Variants in GPNMB observed in about 807,000 individuals in gnomAD.
GPNMB encodes the protein transmembrane glycoprotein NMB.
GPNMB carries 71 observed loss-of-function variants against 57.3 expected under a neutral mutation model. The ratio of observed to expected loss-of-function variants is 1.24; its 90% CI spans 1.02 to 1.51. The LOEUF is 1.51. GPNMB is among the 40% of genes most tolerant of loss of function. GPNMB has a pLI of 0.00. For synonymous variants in GPNMB, 253 were observed against 263.2 expected (o/e 0.96, Z 0.38); for missense variants, 677 against 691.9 (o/e 0.98, Z 0.24).
At chr7:23,259,354 T>C (rs1390045088) in intron 4 of GPNMB, among the ~76,000 whole-genome samples, 1 of 152,116 alleles carries the variant, frequency 6.6e-6, no homozygotes, top group Non-Finnish European at 1.5e-5. Context: ...TAGCTAATTT[T>C]TTGTATTTTA....
rs762010753 is a variant in GPNMB at position 23,260,051 on chromosome 7, C to A, written c.613C>A (p.Pro205Thr). The A allele has an allele frequency of 6.2e-7, 1 of 1,613,890 alleles. No homozygotes were observed. Among genetic ancestry groups the A allele is most frequent in the Admixed American group, 1.7e-5 (1 of 60,016 alleles). ...GAACACAGCCAATGTGACACTTGGG[C>A]CTCAACTCATGGAAGTGACTGTCTA... The part of the protein sequence containing the change: ...SVNTANVTLG[P>T]QLMEVTVYRR... The change falls in exon 5 of 11, where the codon CCT becomes ACT. Residue 205 changes from proline to threonine, a missense_variant. Pro to Thr is a conservative substitution (Grantham distance 38, BLOSUM62 -1). Transcript: ENST00000258733.
intron 1 of GPNMB, among the ~76,000 whole-genome samples, chr7:23,248,409 G>T (rs1025119450): frequency 1.3e-5 from 2 of 152,200 alleles, no homozygotes; most frequent in African/African-American, 4.8e-5. Context: ...CTGTCAGCTC[G>T]AGAGGAGTCC....
At chr7:23,253,123 C>T (rs1319777393) in intron 1 of GPNMB, among the ~76,000 whole-genome samples, 184 bp from the exon 2 acceptor site, 1 of 152,156 alleles carries the variant, frequency 6.6e-6, no homozygotes. Flanking sequence ...GACATAGGGT[C>T]TGAATGCTTG....
rs140819013 is a variant in GPNMB, at chr7:23,267,971, C to G, written c.1203C>G (p.Val401=). 7.5e-6 allele frequency: 12 copies of G among 1,609,968 alleles called. No individual in the cohort carries two copies. The highest frequency in any genetic ancestry group is 1.0e-5 in the Non-Finnish European group (12 of 1,176,764). Residue 401 remains valine, a synonymous_variant, in exon 8 of 11, where the codon GTC becomes GTG. Transcript: ENST00000258733. ...PWPESSLIDF[V]VTCQGSIPTE... is the part of the protein sequence containing the mutation. ...CTGAAAGCTCCCTAATAGACTTTGT[C>G]GTGACCTGCCAAGGGAGGTGAGTAT...
chr7:23,265,905 G>A (rs987425615), intron 6 of GPNMB, among the ~76,000 whole-genome samples: 1 of 148,356 alleles, frequency 6.7e-6, no homozygotes, highest in Non-Finnish European at 1.5e-5. Flanking sequence ...ATCTAGTATG[G>A]CCAGGTTTAT....
At chr7:23,253,668 C>T (rs1782710773) in intron 2 of GPNMB, among the ~76,000 whole-genome samples, 1 of 152,212 alleles carries the variant, frequency 6.6e-6, no homozygotes, top group Non-Finnish European at 1.5e-5. Flanking sequence ...TTAGAAATTT[C>T]CACATTGGTA....
chr7:23,270,155 T>C lies in GPNMB; in HGVS notation c.1409T>C (p.Leu470Pro). The change falls in exon 9 of 11, where the codon CTG becomes CCG. Residue 470 changes from leucine to proline, a missense_variant. Transcript: ENST00000258733. ...DDTSLALTST[L>P]ISVPDRDPAS... ...ACAAGCCTGGCTCTCACGAGCACCCTGATTTCTGTTCCTGACAGAGGTGAG... is the reference window on the plus strand; with the variant it reads ...ACAAGCCTGGCTCTCACGAGCACCCCGATTTCTGTTCCTGACAGAGGTGAG... 6.2e-7 allele frequency: 1 copy of C among 1,613,980 alleles called. No individual in the cohort carries two copies. The highest frequency in any genetic ancestry group is 2.2e-5 in the East Asian group (1 of 44,876).
intron 3 of GPNMB, 28 bp from the exon 4 acceptor site, chr7:23,256,861 ACAC>A (rs1291952045): frequency 1.3e-6 from 2 of 1,593,410 alleles, no homozygotes; most frequent in African/African-American, 2.7e-5. Context: ...AGCCTAGATA[ACAC>A]TCATGGCTGG....
chr7:23,254,173 C>G lies in GPNMB; in HGVS notation c.228C>G (p.Gly76=), dbSNP rs756824456. 1 of 1,611,628 alleles carries G rather than the reference C, an allele frequency of 6.2e-7. No individual in the cohort carries two copies. ...CCCCACTTTTTTATACCCTAGGAGG[C>G]CGTGTGCAGGCGGTCCTGACCAGTG... ...DMRWKNSWKG[G]RVQAVLTSDS... Residue 76 remains glycine (G), a synonymous_variant, in exon 3 of 11, where the codon GGC becomes GGG. Transcript: ENST00000258733.
At chr7:23,251,747 T>C (rs140932209) in intron 1 of GPNMB, among the ~76,000 whole-genome samples, 215 of 152,306 alleles carry the variant, frequency 1.4e-3, no homozygotes, top group African/African-American at 4.9e-3. Context: ...GAGGAAAACC[T>C]TTCTCAGAAG....
chr7:23,254,424 C>T, intron 3 of GPNMB, 112 bp downstream of exon 3: 1 of 812,932 alleles, frequency 1.2e-6, no homozygotes, highest in Admixed American at 2.3e-5. Flanking sequence ...CACTGCACTC[C>T]ATGAGCTGGA....
rs1454499047 is a variant in GPNMB at position 23,260,114 on chromosome 7, G to C, written c.676G>C (p.Val226Leu). 4 of 1,613,982 alleles carry C rather than the reference G, an allele frequency of 2.5e-6. No individual in the cohort carries two copies. Among genetic ancestry groups the C allele is most frequent in the Non-Finnish European group, 2.5e-6 (3 of 1,179,868 alleles). ...HGRAYVPIAQ[V>L]KDVYVVTDQI... The stretch of plus-strand genomic sequence containing the variant: ...ACGGGCATATGTTCCCATCGCACAA[G>C]TGAAAGATGTGTACGTGGTAACAGG... The change falls in exon 5 of 11, where the codon GTG (valine) becomes CTG (leucine). Residue 226 changes from valine (V) to leucine (L), a missense_variant. Val to Leu is a conservative substitution (Grantham distance 32). Transcript: ENST00000258733.
rs757851488 is a variant in GPNMB at position 23,260,651 on chromosome 7, T to C, written c.896T>C (p.Val299Ala). 5 of 1,613,430 alleles carry C rather than the reference T, an allele frequency of 3.1e-6. No individual in the cohort carries two copies. The highest frequency in any genetic ancestry group is 4.2e-6 in the Non-Finnish European group (5 of 1,179,346). Residue 299 changes from valine to alanine, a missense_variant, in exon 6 of 11, where the codon GTG becomes GCG. Val to Ala is a moderately conservative substitution (Grantham distance 64). Transcript: ENST00000258733. ...CTGTTTGTTTCCACCAATCATACTG[T>C]GAATCACACGTATGTGCTCAATGGA... ...TGLFVSTNHT[V>A]NHTYVLNGTF...
intron 9 of GPNMB, among the ~76,000 whole-genome samples, chr7:23,272,724 C>G (rs2128485877): frequency 6.6e-6 from 1 of 152,304 alleles, no homozygotes; most frequent in Admixed American, 6.5e-5. Context: ...AGCATCTACT[C>G]CATGCTCAGC....
chr7:23,247,308 A>T (rs1411275876), intron 1 of GPNMB: 1 of 252,920 alleles, frequency 4.0e-6, no homozygotes, highest in African/African-American at 2.2e-5. Flanking sequence ...GAGACCTCAC[A>T]TGAAATGGGG....
At chr7:23,257,503 C>T in intron 4 of GPNMB, 1 of 212,308 alleles carries the variant, frequency 4.7e-6, no homozygotes, top group Non-Finnish European at 9.5e-6. Flanking sequence ...GAAGTCCCGT[C>T]CCTACTAAAA....
chr7:23,269,975 C>G lies in GPNMB; in HGVS notation c.1229C>G (p.Thr410Arg). ...CACCTCCCCTGTCGCAGCATTCCCA[C>G]GGAGGTCTGTACCATCATTTCTGAC... Reference protein sequence around the residue: ...FVVTCQGSIPTEVCTIISDPT... With the variant: ...FVVTCQGSIPREVCTIISDPT... The change falls in exon 9 of 11, where the codon ACG (threonine) becomes AGG (arginine). Residue 410 changes from threonine to arginine, a missense_variant. Physicochemically the swap from Thr to Arg is moderately conservative, Grantham distance 71. Coordinates refer to ENST00000258733, the MANE Select transcript of GPNMB (RefSeq NM_002510.3). 1 of 1,613,640 alleles carries G rather than the reference C, an allele frequency of 6.2e-7. No homozygotes were observed. The highest frequency in any genetic ancestry group is 1.1e-5 in the South Asian group (1 of 91,032).
chr7:23,269,189 C>T (rs1783139225), intron 8 of GPNMB, among the ~76,000 whole-genome samples: 1 of 152,048 alleles, frequency 6.6e-6, no homozygotes, highest in Admixed American at 6.6e-5. Flanking sequence ...AGTTTGAGAC[C>T]AGCCTGGCCA....
chr7:23,249,812 G>C (rs555477128), intron 1 of GPNMB, among the ~76,000 whole-genome samples: 1 of 152,258 alleles, frequency 6.6e-6, no homozygotes, highest in South Asian at 2.1e-4. Context: ...GTTTCTCTGG[G>C]ATGCATGCCA....
Sources: allele counts gnomAD v4.1 joint callset (sites outside exome capture counted in the v4.1 genomes callset), GRCh38; gene constraint gnomAD v4.1.1; transcripts MANE v1.5; gene names NCBI Gene and HGNC (gene_info 2026-07-23, HGNC 2026-07-21).